The following LPCAT1 variants were observed in gnomAD, a reference collection of about 807,000 sequenced individuals.
The protein encoded by LPCAT1 is 1-acylglycerol-3-phosphate O-acyltransferase.
A neutral mutation model predicts 60.9 loss-of-function variants in LPCAT1; 23 were observed. That is an observed-to-expected ratio of 0.38 (90% CI 0.27 to 0.53). The LOEUF (loss-of-function observed/expected upper bound fraction) is 0.53. LPCAT1 is among the 20% of genes least tolerant of loss of function. The pLI is 0.82. For synonymous variants in LPCAT1, 340 were observed against 301.1 expected, an observed-to-expected ratio of 1.13 and a Z score of -1.34; for missense variants, 622 against 723.6, an observed-to-expected ratio of 0.86 and a Z score of 1.61.
intron 1 of LPCAT1, among the ~76,000 whole-genome samples, chr5:1,507,323 G>A (rs1736217269): frequency 6.6e-6 from 1 of 152,180 alleles, no homozygotes. Context: ...AAGCAATATG[G>A]TCACCCTGTG....
In LPCAT1 at chr5:1,483,635, A is replaced by C; in HGVS notation, c.668-149T>G. 1 of 727,388 alleles carries C rather than the reference A, an allele frequency of 1.4e-6. No homozygotes were observed. Among genetic ancestry groups the C allele is most frequent in the Non-Finnish European group, 2.4e-6 (1 of 425,376 alleles). The allele number at this position is 727,388 out of a possible 1,614,324, so 45.1% of individuals were successfully genotyped here. A position where few individuals can be genotyped will look rare whatever the true frequency, so the allele number is the denominator to read the frequency against. On this transcript the variant is annotated intron_variant, in intron 5 of 13. Coordinates refer to ENST00000283415, the MANE Select transcript of LPCAT1 (RefSeq NM_024830.5). This position sits in a 1 kb window ranked among gnomAD's most constrained non-coding sequence, Gnocchi z 9.2. ...GGCACTCCATGCCTGGACTATCTCAACATCTGTCCTGACCGTAAACACCCA... is the reference window on the plus strand; with the variant it reads ...GGCACTCCATGCCTGGACTATCTCACCATCTGTCCTGACCGTAAACACCCA...
At chr5:1,516,239 A>C (rs980163132) in intron 1 of LPCAT1, among the ~76,000 whole-genome samples, 1 of 152,242 alleles carries the variant, frequency 6.6e-6, no homozygotes, top group African/African-American at 2.4e-5. Flanking sequence ...GACTGGGCAG[A>C]CAGCCTGGCA....
rs1735397751 is a variant in LPCAT1, at chr5:1,487,051, C to T, written c.667+1340G>A. 6.6e-6 allele frequency among the ~76,000 whole-genome samples: 1 copy of T among 152,200 alleles called. No individual in the cohort carries two copies. Among genetic ancestry groups the T allele is most frequent in the South Asian group, 2.1e-4 (1 of 4,834 alleles). On this transcript the variant is annotated intron_variant, in intron 5 of 13. Transcript: ENST00000283415. The surrounding 1 kb of genome is among the most constrained non-coding windows in gnomAD (Gnocchi z 6.1). ...GGGCCGCCAGCTCCAAAGGGCAAGG[C>T]GATGGCCCTCCCCAGGGGCCTCCCT...
chr5:1,467,260 TC>T (rs1560948235), intron 12 of LPCAT1: 1 of 234,580 alleles, frequency 4.3e-6, no homozygotes, highest in Non-Finnish European at 8.2e-6. Flanking sequence ...GCTGCAGAGT[TC>T]CCCCACGGCC....
chr5:1,479,728 T>A, intron 7 of LPCAT1, 53 bp from the exon 8 acceptor site: 1 of 1,372,692 alleles, frequency 7.3e-7, no homozygotes, highest in Non-Finnish European at 1.0e-6. Flanking sequence ...GGTTAACAAG[T>A]AAATTACTCC....
Position 1,480,059 on chromosome 5 carries a change from C to T in LPCAT1, c.762-384G>A, listed in dbSNP as rs562821666. Among the ~76,000 whole-genome samples the T allele has an allele frequency of 1.0e-3, 157 of 152,054 alleles. 1 individual carries two copies. The highest frequency in any genetic ancestry group is 3.6e-3 in the African/African-American group (149 of 41,462). On this transcript the variant is annotated intron_variant, in intron 7 of 13. Coordinates refer to ENST00000283415, the MANE Select transcript of LPCAT1 (RefSeq NM_024830.5). This position sits in a 1 kb window ranked among gnomAD's most constrained non-coding sequence, Gnocchi z 6.4. The stretch of plus-strand genomic sequence containing the variant: ...TCCAGCCTGGATCCAGAGTTCCCAA[C>T]CTCAGAACCAGGATCACCATGCCTT...
intron 12 of LPCAT1, among the ~76,000 whole-genome samples, chr5:1,469,139 A>G (rs1028749737): frequency 6.6e-6 from 1 of 152,190 alleles, no homozygotes; most frequent in African/African-American, 2.4e-5. Flanking sequence ...GGACGCAGCC[A>G]TATCAGCGGC....
chr5:1,468,110 G>C (rs1018418583), intron 12 of LPCAT1, among the ~76,000 whole-genome samples: 6 of 152,090 alleles, frequency 3.9e-5, no homozygotes, highest in African/African-American at 1.4e-4. Flanking sequence ...CCAGCCTTCC[G>C]GCCTGGCAAG....
chr5:1,470,951 A>G, intron 11 of LPCAT1, 27 bp from the exon 12 acceptor site: 1 of 1,602,250 alleles, frequency 6.2e-7, no homozygotes, highest in African/African-American at 1.3e-5. Flanking sequence ...TCTCAGCCAC[A>G]GCTCGGCCGC....
rs978912070 is a variant in LPCAT1 at position 1,480,112 on chromosome 5, T to C, written c.762-437A>G. Among the ~76,000 whole-genome samples the C allele has an allele frequency of 6.6e-6, 1 of 151,754 alleles. No individual in the cohort carries two copies. The highest frequency in any genetic ancestry group is 1.5e-5 in the Non-Finnish European group (1 of 67,940). ...CCGCAGGAGTTGACATGGGAGACAT[T>C]TGGAGCTGCTCCCAGGGCCACACTC... On this transcript the variant is annotated intron_variant, in intron 7 of 13. Coordinates refer to ENST00000283415, the MANE Select transcript of LPCAT1 (RefSeq NM_024830.5). The surrounding 1 kb of genome is among the most constrained non-coding windows in gnomAD (Gnocchi z 6.4).
At chr5:1,511,585 G>A (rs1017485957) in intron 1 of LPCAT1, among the ~76,000 whole-genome samples, 3 of 152,078 alleles carry the variant, frequency 2.0e-5, no homozygotes, top group African/African-American at 7.2e-5. Flanking sequence ...ACCCTACGTG[G>A]GGATGTCATC....
chr5:1,505,858 G>A (rs932854224), intron 1 of LPCAT1, among the ~76,000 whole-genome samples: 1 of 152,244 alleles, frequency 6.6e-6, no homozygotes, highest in Admixed American at 6.5e-5. Flanking sequence ...CTCTGCACCA[G>A]CTCCTTCCTC....
chr5:1,494,976 C>CA lies in LPCAT1; in HGVS notation c.279-63dup, dbSNP rs1735731213. Reference sequence around the variant, plus strand: ...CCGCAGTCTCGGAGTCTGTGTGAGGCACAGGGGCGGTCCCACGGGAGAGCC... The same window carrying CA: ...CCGCAGTCTCGGAGTCTGTGTGAGGCAACAGGGGCGGTCCCACGGGAGAGCC... On this transcript the variant is annotated intron_variant, in intron 2 of 13. Coordinates refer to ENST00000283415, the MANE Select transcript of LPCAT1 (RefSeq NM_024830.5). 1.2e-5 allele frequency: 17 copies of CA among 1,463,956 alleles called. No homozygotes were observed. In the South Asian group the frequency reaches 2.1e-4, roughly 18 times the overall value. The allele number at this position is 1,463,956 out of a possible 1,614,324, so 90.7% of individuals were successfully genotyped here.
Position 1,480,281 on chromosome 5 carries a change from C to A in LPCAT1, c.762-606G>T. On this transcript the variant is annotated intron_variant, in intron 7 of 13. Coordinates refer to ENST00000283415, the MANE Select transcript of LPCAT1 (RefSeq NM_024830.5). The surrounding 1 kb of genome is among the most constrained non-coding windows in gnomAD (Gnocchi z 6.4). Reference sequence around the variant, plus strand: ...CCAGCTGGGAGCCTCCACACGCCAGCCTGGGAAGCGCTGACCTCAACACCT... The same window carrying A: ...CCAGCTGGGAGCCTCCACACGCCAGACTGGGAAGCGCTGACCTCAACACCT... 2 of 978,036 alleles carry A rather than the reference C, an allele frequency of 2.0e-6. No individual in the cohort carries two copies. Among genetic ancestry groups the A allele is most frequent in the South Asian group, 9.5e-5 (2 of 21,084 alleles). The allele number at this position is 978,036 out of a possible 1,614,324, so 60.6% of individuals were successfully genotyped here.
Position 1,521,040 on chromosome 5 carries a change from A to G in LPCAT1, c.135+2670T>C, listed in dbSNP as rs1736658778. Among the ~76,000 whole-genome samples the G allele has an allele frequency of 6.6e-6, 1 of 152,124 alleles. No homozygotes were observed. The highest frequency in any genetic ancestry group is 2.1e-4 in the South Asian group (1 of 4,828). On this transcript the variant is annotated intron_variant, in intron 1 of 13. Coordinates refer to ENST00000283415, the MANE Select transcript of LPCAT1 (RefSeq NM_024830.5). The surrounding 1 kb of genome is among the most constrained non-coding windows in gnomAD (Gnocchi z 4.3). ...ATATATGAATGTGTGACTATGAAGA[A>G]CCTCAGCTGAACTCACTAAGATCCT...
In LPCAT1 at chr5:1,495,494, G is replaced by A. The variant is rs946203001; in HGVS notation, c.279-580C>T. 1.3e-5 allele frequency among the ~76,000 whole-genome samples: 2 copies of A among 152,076 alleles called. No homozygotes were observed. Among genetic ancestry groups the A allele is most frequent in the Non-Finnish European group, 2.9e-5 (2 of 68,004 alleles). ...ATGGCCAATAAATTTGGAAAATAAA[G>A]TAAAAATCAGCCTAGGTTAACTGAA... On this transcript the variant is annotated intron_variant, in intron 2 of 13. Transcript: ENST00000283415. This position sits in a 1 kb window ranked among gnomAD's most constrained non-coding sequence, Gnocchi z 4.7.
chr5:1,481,931 T>C lies in LPCAT1; in HGVS notation c.727-955A>G, dbSNP rs1224797913. Among the ~76,000 whole-genome samples the C allele has an allele frequency of 6.6e-6, 1 of 152,248 alleles. No individual in the cohort carries two copies. Among genetic ancestry groups the C allele is most frequent in the Non-Finnish European group, 1.5e-5 (1 of 68,042 alleles). On this transcript the variant is annotated intron_variant, in intron 6 of 13. Coordinates refer to ENST00000283415, the MANE Select transcript of LPCAT1 (RefSeq NM_024830.5). This position sits in a 1 kb window ranked among gnomAD's most constrained non-coding sequence, Gnocchi z 7.8. ...CGGACGGGACAGGCCCTGAGGCGGA[T>C]GGCCCAGAACCCTGGCACCCAGAGG...
chr5:1,508,549 G>A (rs1736255036), intron 1 of LPCAT1, among the ~76,000 whole-genome samples: 1 of 152,116 alleles, frequency 6.6e-6, no homozygotes, highest in Non-Finnish European at 1.5e-5. Flanking sequence ...GGCCTCAGGA[G>A]GAACCAGCCC....
Position 1,521,065 on chromosome 5 carries a change from T to C in LPCAT1, c.135+2645A>G, listed in dbSNP as rs1008416999. Among the ~76,000 whole-genome samples, 1 of 152,182 alleles carries C rather than the reference T, an allele frequency of 6.6e-6. No individual in the cohort carries two copies. Among genetic ancestry groups the C allele is most frequent in the Non-Finnish European group, 1.5e-5 (1 of 68,044 alleles). On this transcript the variant is annotated intron_variant, in intron 1 of 13. Coordinates refer to ENST00000283415, the MANE Select transcript of LPCAT1 (RefSeq NM_024830.5). The surrounding 1 kb of genome is among the most constrained non-coding windows in gnomAD (Gnocchi z 4.3). ...ACCTCAGCTGAACTCACTAAGATCCTGTACCATACCATTTACCGCTCTCTA... is the reference window on the plus strand; with the variant it reads ...ACCTCAGCTGAACTCACTAAGATCCCGTACCATACCATTTACCGCTCTCTA...
Sources: allele counts gnomAD v4.1 joint callset (sites outside exome capture counted in the v4.1 genomes callset), GRCh38; gene constraint gnomAD v4.1.1; non-coding constraint Gnocchi (gnomAD v3.1); transcripts MANE v1.5; gene names NCBI Gene and HGNC (gene_info 2026-07-23, HGNC 2026-07-21).